Variants in PCDHA7 observed in about 807,000 individuals in gnomAD.
PCDHA7 encodes protocadherin alpha-7.
PCDHA7 carries 37 observed loss-of-function variants against 57.2 expected under a neutral mutation model. The observed-to-expected ratio is 0.65, with a 90% CI of 0.50 to 0.85. The LOEUF (loss-of-function observed/expected upper bound fraction) is 0.85, where lower values mean the gene tolerates loss of function less well. PCDHA7 is among the 40% of genes least tolerant of loss of function. The pLI is 0.00. For synonymous variants in PCDHA7, 553 were observed against 558.8 expected (o/e 0.99, Z 0.15); for missense variants, 1,188 against 1,241.8 (o/e 0.96, Z 0.65).
intron 1 of PCDHA7, chr5:140,851,484 A>G: frequency 2.2e-6 from 2 of 889,574 alleles, no homozygotes; most frequent in Non-Finnish European, 2.7e-6. Context: ...TTATAAACAC[A>G]GCCTTCATTT....
chr5:140,962,171 G>T (rs1218733161), intron 1 of PCDHA7, among the ~76,000 whole-genome samples: 1 of 151,902 alleles, frequency 6.6e-6, no homozygotes, highest in Admixed American at 6.6e-5. Flanking sequence ...CACCACACCC[G>T]GCCACTTATA....
intron 1 of PCDHA7, among the ~76,000 whole-genome samples, chr5:140,954,472 G>T (rs1031225118): frequency 8.5e-5 from 13 of 152,182 alleles, no homozygotes; most frequent in Admixed American, 6.5e-5. Context: ...TCTGACTGGT[G>T]TGAGAAGATA....
chr5:140,948,276 G>A (rs375889469), intron 1 of PCDHA7, among the ~76,000 whole-genome samples: 1 of 151,520 alleles, frequency 6.6e-6, no homozygotes, highest in East Asian at 1.9e-4. Context: ...TAGAATATCT[G>A]TAAATAATTT....
Position 140,877,183 on chromosome 5 carries a change from G to A in PCDHA7, c.2355+40445G>A, listed in dbSNP as rs201399892. 787 of 1,613,846 alleles carry A rather than the reference G, an allele frequency of 4.9e-4. 5 individuals are homozygous for A. The African/African-American group carries it at 9.2e-3, about 19-fold the overall frequency. ...GCCGGCACTGCTGGCGACTCCGGCT[G>A]GCAGCGCAGGAGGCGCAGTTAGCGA... On this transcript the variant is annotated intron_variant, in intron 1 of 3. Transcript: ENST00000525929.
chr5:140,835,919 G>T lies in PCDHA7; in HGVS notation c.1536G>T (p.Ala512=), dbSNP rs2150248357. 2.5e-6 allele frequency: 4 copies of T among 1,612,404 alleles called. No homozygotes were observed. The highest frequency in any genetic ancestry group is 3.3e-5 in the Admixed American group (2 of 60,010). Residue 512 remains alanine, a synonymous_variant, in exon 1 of 4, where the codon GCG becomes GCT. Coordinates refer to ENST00000525929, the MANE Select transcript of PCDHA7 (RefSeq NM_018910.3). Reference sequence around the variant, plus strand: ...TGTCGAGCTACGTGTCAGTGCACGCGGAGAGCGGCAAGGTGTACGCGCTGC... The same window carrying T: ...TGTCGAGCTACGTGTCAGTGCACGCTGAGAGCGGCAAGGTGTACGCGCTGC... ...RALSSYVSVH[A]ESGKVYALQP...
At chr5:140,904,570 G>T (rs1377408350) in intron 1 of PCDHA7, among the ~76,000 whole-genome samples, 1 of 151,378 alleles carries the variant, frequency 6.6e-6, no homozygotes, top group African/African-American at 2.4e-5. Context: ...TTTTCCTCTG[G>T]GTAGACACCC....
chr5:140,878,006 C>T (rs251378), intron 1 of PCDHA7: 602,670 of 913,772 alleles, frequency 0.66, 200,442 homozygotes, highest in African/African-American at 0.71. Flanking sequence ...ATTTGTCTAA[C>T]ATTAATGAAG....
At chr5:140,860,539 A>C (rs1017009247) in intron 1 of PCDHA7, 4 of 152,206 alleles carry the variant, frequency 2.6e-5, no homozygotes, top group African/African-American at 7.2e-5. Flanking sequence ...TTTGTAAGAC[A>C]AACCCACCTT....
intron 1 of PCDHA7, chr5:140,858,360 G>C (rs782369682): frequency 1.9e-6 from 3 of 1,592,532 alleles, no homozygotes; most frequent in Non-Finnish European, 2.6e-6. Flanking sequence ...ATGGCCTTCA[G>C]CCCCAGCCTT....
intron 1 of PCDHA7, among the ~76,000 whole-genome samples, chr5:140,873,040 T>C (rs2153278087): frequency 6.6e-6 from 1 of 152,312 alleles, no homozygotes; most frequent in South Asian, 2.1e-4. Flanking sequence ...CGTAGAGTGG[T>C]GGTATTACAG....
At chr5:140,850,410 G>T (rs369126896) in intron 1 of PCDHA7, 1 of 1,597,934 alleles carries the variant, frequency 6.3e-7, no homozygotes, top group Middle Eastern at 1.7e-4. Flanking sequence ...TGCCCTGGAC[G>T]AAACGGACGC....
At position 140,901,836 on chromosome 5, in the gene PCDHA7, G is replaced by A. The variant is rs183480993; in HGVS notation, c.2355+65098G>A. On this transcript the variant is annotated intron_variant, in intron 1 of 3. Coordinates refer to ENST00000525929, the MANE Select transcript of PCDHA7 (RefSeq NM_018910.3). The stretch of plus-strand genomic sequence containing the variant: ...ATTGATTCTTCCAGTCCATAAACAT[G>A]CAATATCTTTCCATTTTTTTGTGTC... 2.6e-3 allele frequency among the ~76,000 whole-genome samples: 395 copies of A among 152,228 alleles called. 2 individuals carry two copies. The highest frequency in any genetic ancestry group is 9.2e-3 in the African/African-American group (384 of 41,554).
chr5:140,849,523 T>A (rs2150439737), intron 1 of PCDHA7: 1 of 1,597,506 alleles, frequency 6.3e-7, no homozygotes, highest in African/African-American at 1.3e-5. Flanking sequence ...GTTGTGGATG[T>A]AAATGACAAT....
intron 1 of PCDHA7, chr5:140,842,575 G>A (rs2150339697): frequency 6.6e-7 from 1 of 1,509,128 alleles, no homozygotes; most frequent in South Asian, 1.2e-5. Flanking sequence ...GCGAGAGAGT[G>A]TCGGCCTATG....
intron 1 of PCDHA7, chr5:140,858,307 G>T: frequency 6.3e-7 from 1 of 1,597,292 alleles, no homozygotes; most frequent in Non-Finnish European, 8.6e-7. Flanking sequence ...AGCAGAGGCG[G>T]CAGAGGGTGT....
At chr5:140,868,887 G>A in intron 1 of PCDHA7, 1 of 740,170 alleles carries the variant, frequency 1.4e-6, no homozygotes, top group Admixed American at 3.1e-5. Context: ...CACAGTTTTA[G>A]GCGCAAGGTG....
intron 1 of PCDHA7, among the ~76,000 whole-genome samples, chr5:140,897,709 T>C (rs1471075981): frequency 6.6e-6 from 1 of 152,212 alleles, no homozygotes; most frequent in Non-Finnish European, 1.5e-5. Context: ...TACCCAGTAA[T>C]GGGATGGCTG....
chr5:140,870,801 G>T (rs1210285882), intron 1 of PCDHA7: 6 of 1,613,670 alleles, frequency 3.7e-6, no homozygotes, highest in Non-Finnish European at 5.1e-6. Context: ...CACTGCTGGC[G>T]ACTCAGGCTG....
chr5:140,912,612 A>T (rs1286245692), intron 1 of PCDHA7, among the ~76,000 whole-genome samples: 1 of 151,994 alleles, frequency 6.6e-6, no homozygotes, highest in South Asian at 2.1e-4. Context: ...CTCTTGTCTG[A>T]TTACTCTGGA....
Sources: allele counts gnomAD v4.1 joint callset (sites outside exome capture counted in the v4.1 genomes callset), GRCh38; gene constraint gnomAD v4.1.1; transcripts MANE v1.5; gene names NCBI Gene and HGNC (gene_info 2026-07-23, HGNC 2026-07-21).